The following TMEM132C variants were observed in gnomAD, a reference collection of about 807,000 sequenced individuals.
The protein encoded by TMEM132C is protein phosphatase 1, regulatory subunit 152.
A neutral mutation model predicts 61.4 loss-of-function variants in TMEM132C; 29 were observed. The ratio of observed to expected loss-of-function variants is 0.47; its 90% CI spans 0.35 to 0.64. The LOEUF is 0.64. Among genes scored for constraint, TMEM132C ranks in the 30% least tolerant of loss-of-function variants. The pLI is 0.00. For missense variants in TMEM132C, 1,408 were observed against 1,476.9 expected, an observed-to-expected ratio of 0.95 and a Z score of 0.76; for synonymous variants, 656 against 633.1, an observed-to-expected ratio of 1.04 and a Z score of -0.54.
intron 1 of TMEM132C, among the ~76,000 whole-genome samples, chr12:128,302,141 G>A (rs760840276): frequency 1.5e-4 from 23 of 152,260 alleles, no homozygotes; most frequent in Non-Finnish European, 2.8e-4. Flanking sequence ...AAAGTCTGTC[G>A]AGTGTGTCAG....
chr12:128,407,267 C>A (rs1163110931), intron 1 of TMEM132C, among the ~76,000 whole-genome samples: 4 of 152,210 alleles, frequency 2.6e-5, no homozygotes, highest in Non-Finnish European at 5.9e-5. Flanking sequence ...GTAAGATGTG[C>A]CTTTGCTTCT....
chr12:128,561,966 G>T (rs1306717334), intron 3 of TMEM132C, among the ~76,000 whole-genome samples: 1 of 152,124 alleles, frequency 6.6e-6, no homozygotes, highest in Non-Finnish European at 1.5e-5. Context: ...GGGCAGTGGG[G>T]CAGAGAAGAG....
intron 1 of TMEM132C, among the ~76,000 whole-genome samples, chr12:128,338,776 ATT>A (rs71069558): frequency 1.4e-5 from 2 of 138,314 alleles, no homozygotes; most frequent in African/African-American, 5.7e-5. Flanking sequence ...ATATATATAT[ATT>A]TTGCACAAAG....
chr12:128,641,666 C>T (rs954595458), intron 4 of TMEM132C, among the ~76,000 whole-genome samples: 6 of 152,208 alleles, frequency 3.9e-5, no homozygotes, highest in Admixed American at 1.3e-4. Context: ...ACACCTTGAT[C>T]GTGGACCTCC....
intron 1 of TMEM132C, among the ~76,000 whole-genome samples, chr12:128,320,317 A>G (rs991493283): frequency 6.6e-6 from 1 of 152,090 alleles, no homozygotes; most frequent in African/African-American, 2.4e-5. Flanking sequence ...GTGTGAGACA[A>G]TTTTGTTATT....
chr12:128,466,486 C>T (rs1870740172), intron 2 of TMEM132C, among the ~76,000 whole-genome samples: 2 of 152,284 alleles, frequency 1.3e-5, no homozygotes, highest in South Asian at 2.1e-4. Flanking sequence ...GGAGCCCAAT[C>T]GTTCCACCAG....
Position 128,340,860 on chromosome 12 carries a change from C to T in TMEM132C, c.85+73373C>T, listed in dbSNP as rs12312840. Among the ~76,000 whole-genome samples, 724 of 101,728 alleles carry T rather than the reference C, an allele frequency of 7.1e-3. 5 individuals are homozygous for T. Among genetic ancestry groups the T allele is most frequent in the African/African-American group, 0.045 (691 of 15,290 alleles). The allele number at this position is 101,728 out of a possible 152,430, so 66.7% of individuals were successfully genotyped here. A position where few individuals can be genotyped will look rare whatever the true frequency, so the allele number is the denominator to read the frequency against. On this transcript the variant is annotated intron_variant, in intron 1 of 8. Coordinates refer to ENST00000435159, the MANE Select transcript of TMEM132C (RefSeq NM_001136103.3). ...CTCTCTCTTTCTCTCTTTCTTTCTT[C>T]CTTCCTTCCTTCCTTTCTTTTTTCT...
At chr12:128,467,262 A>T (rs973918308) in intron 2 of TMEM132C, among the ~76,000 whole-genome samples, 2 of 152,192 alleles carry the variant, frequency 1.3e-5, no homozygotes, top group Admixed American at 6.5e-5. Flanking sequence ...TAGAGATGCT[A>T]TTGGCACCCA....
At chr12:128,354,469 C>CT (rs1873437812) in intron 1 of TMEM132C, among the ~76,000 whole-genome samples, 1 of 142,092 alleles carries the variant, frequency 7.0e-6, no homozygotes, top group Non-Finnish European at 1.5e-5. Context: ...TTCTTTCTTC[C>CT]TTCCTTCCTT....
chr12:128,566,051 A>C (rs1874687092), intron 3 of TMEM132C, among the ~76,000 whole-genome samples: 1 of 152,116 alleles, frequency 6.6e-6, no homozygotes, highest in African/African-American at 2.4e-5. Flanking sequence ...CACCATGCCC[A>C]GATAGTTTTT....
Position 128,630,651 on chromosome 12 carries a change from G to A in TMEM132C, c.1305+14316G>A, listed in dbSNP as rs983895250. ...TCATGCCCAGAGGCTCGGGAACTTGGCTGTGTCCACTCCCTAGTCCTCACC... is the reference window on the plus strand; with the variant it reads ...TCATGCCCAGAGGCTCGGGAACTTGACTGTGTCCACTCCCTAGTCCTCACC... On this transcript the variant is annotated intron_variant, in intron 4 of 8. Transcript: ENST00000435159. This position sits in a 1 kb window ranked among gnomAD's most constrained non-coding sequence, Gnocchi z 4.3. 1.3e-5 allele frequency among the ~76,000 whole-genome samples: 2 copies of A among 152,162 alleles called. No individual in the cohort carries two copies. The highest frequency in any genetic ancestry group is 4.8e-5 in the African/African-American group (2 of 41,438).
chr12:128,491,449 A>G (rs186080377), intron 2 of TMEM132C, among the ~76,000 whole-genome samples: 68 of 152,260 alleles, frequency 4.5e-4, no homozygotes, highest in African/African-American at 1.5e-3. Flanking sequence ...TGCCCAATGG[A>G]GCGAGAGCCA....
At chr12:128,479,296 A>C (rs2136089417) in intron 2 of TMEM132C, among the ~76,000 whole-genome samples, 1 of 152,228 alleles carries the variant, frequency 6.6e-6, no homozygotes, top group East Asian at 1.9e-4. Flanking sequence ...TATTCTGTAC[A>C]ACAAACCCTC....
At position 128,452,561 on chromosome 12, in the gene TMEM132C, G is replaced by A. The variant is rs370262719; in HGVS notation, c.974+36941G>A. On this transcript the variant is annotated intron_variant, in intron 2 of 8. Coordinates refer to ENST00000435159, the MANE Select transcript of TMEM132C (RefSeq NM_001136103.3). ...AGCCAGGCATGGTGATGTGCCTCTC[G>A]TCGCAGCTGCTGTTGGTGGGGGGGT... Among the ~76,000 whole-genome samples, 9 of 149,828 alleles carry A rather than the reference G, an allele frequency of 6.0e-5. No individual in the cohort carries two copies. The East Asian group carries it at 1.6e-3, about 27-fold the overall frequency.
chr12:128,460,456 T>C (rs909873114), intron 2 of TMEM132C, among the ~76,000 whole-genome samples: 3 of 152,198 alleles, frequency 2.0e-5, no homozygotes, highest in African/African-American at 7.2e-5. Context: ...TAGTGGCTTC[T>C]ATTAGTCCAT....
intron 1 of TMEM132C, among the ~76,000 whole-genome samples, chr12:128,318,836 A>G (rs892319554): frequency 2.0e-5 from 3 of 152,210 alleles, no homozygotes; most frequent in African/African-American, 7.2e-5. Flanking sequence ...CAGTTAGGAA[A>G]GAAACCTGAG....
chr12:128,279,664 T>G (rs1000228657), intron 1 of TMEM132C, among the ~76,000 whole-genome samples: 3 of 152,186 alleles, frequency 2.0e-5, no homozygotes, highest in African/African-American at 7.2e-5. Context: ...AACTTCTAGA[T>G]ACCCTCATGA....
At chr12:128,440,043 G>A (rs1283620232) in intron 2 of TMEM132C, among the ~76,000 whole-genome samples, 2 of 152,184 alleles carry the variant, frequency 1.3e-5, no homozygotes, top group African/African-American at 4.8e-5. Context: ...GTTTGGAGGT[G>A]TCATTTGAAG....
chr12:128,695,360 ATT>A (rs60655999), intron 6 of TMEM132C, among the ~76,000 whole-genome samples: 4 of 149,196 alleles, frequency 2.7e-5, no homozygotes, highest in Non-Finnish European at 3.0e-5. Flanking sequence ...TCTCTACAGA[ATT>A]TTTTTTTTTT....
Sources: allele counts gnomAD v4.1 joint callset (sites outside exome capture counted in the v4.1 genomes callset), GRCh38; gene constraint gnomAD v4.1.1; non-coding constraint Gnocchi (gnomAD v3.1); transcripts MANE v1.5; gene names NCBI Gene and HGNC (gene_info 2026-07-23, HGNC 2026-07-21).